Variants in MS4A4A observed in about 807,000 individuals in gnomAD.
MS4A4A encodes membrane-spanning 4-domains subfamily A member 4A.
In MS4A4A, 26 loss-of-function variants were observed where a neutral mutation model predicts 28.0. That is an observed-to-expected ratio of 0.93 (90% CI 0.68 to 1.29). The LOEUF is 1.29. Ranked by LOEUF, MS4A4A falls within the 50% of genes most tolerant of loss-of-function variation. The probability of loss-of-function intolerance (pLI) is 0.00; values close to 1 mark genes in which losing one functional copy is unlikely to be tolerated. For synonymous variants in MS4A4A, 86 were observed against 100.8 expected (o/e 0.85, Z 0.88); for missense variants, 290 against 293.1 (o/e 0.99, Z 0.08).
At chr11:60,285,545 C>T (rs1431554776) in intron 1 of MS4A4A, among the ~76,000 whole-genome samples, 2 of 152,096 alleles carry the variant, frequency 1.3e-5, no homozygotes, top group Non-Finnish European at 2.9e-5. Context: ...TTTCTATTTT[C>T]CCTAAGTGTC....
At chr11:60,291,123 T>C (rs1309993308) in intron 1 of MS4A4A, among the ~76,000 whole-genome samples, 1 of 152,210 alleles carries the variant, frequency 6.6e-6, no homozygotes, top group African/African-American at 2.4e-5. Flanking sequence ...CTTTAGCCTA[T>C]CTCTACATGA....
intron 1 of MS4A4A, among the ~76,000 whole-genome samples, chr11:60,286,545 CG>C (rs759420749): frequency 7.2e-5 from 11 of 152,194 alleles, no homozygotes; most frequent in Admixed American, 2.6e-4. Flanking sequence ...CCGGTCCCTC[CG>C]TTCGGGGTCC....
intron 4 of MS4A4A, 99 bp from the exon 5 acceptor site, chr11:60,302,460 T>C (rs191102970): frequency 1.7e-6 from 2 of 1,159,404 alleles, no homozygotes; most frequent in East Asian, 4.9e-5. Flanking sequence ...AAGATAATGA[T>C]AGATGGCAGT....
chr11:60,297,134 G>C lies in MS4A4A; in HGVS notation c.202-63G>C, dbSNP rs558126381. 572 of 1,593,182 alleles carry C rather than the reference G, an allele frequency of 3.6e-4. 7 individuals carry two copies. The South Asian group carries it at 5.8e-3, about 16-fold the overall frequency. ...TAAGGATAGCTTAGTGATTGGAAAG[G>C]GGGTGGCGGAAGCACCATTTTTGTG... is the stretch of plus-strand genomic sequence containing the variant. On this transcript the variant is annotated intron_variant, in intron 2 of 6. Coordinates refer to ENST00000337908, the MANE Select transcript of MS4A4A (RefSeq NM_148975.3).
chr11:60,297,158 T>C (rs2084912177), intron 2 of MS4A4A, 39 bp from the exon 3 acceptor site: 1 of 1,609,710 alleles, frequency 6.2e-7, no homozygotes, highest in Non-Finnish European at 8.5e-7. Context: ...ACCATTTTTG[T>C]GGTGGACAAT....
intron 6 of MS4A4A, 62 bp downstream of exon 6, chr11:60,306,263 A>G: frequency 7.8e-7 from 1 of 1,281,694 alleles, no homozygotes. Flanking sequence ...GTAATCGATT[A>G]CACACACTTA....
chr11:60,305,901 C>A (rs1258049535), intron 5 of MS4A4A, 199 bp from the exon 6 acceptor site: 3 of 569,930 alleles, frequency 5.3e-6, no homozygotes, highest in Non-Finnish European at 9.3e-6. Flanking sequence ...GAATAAATGT[C>A]TGTGATTATT....
At chr11:60,305,854 C>G in intron 5 of MS4A4A, 1 of 463,744 alleles carries the variant, frequency 2.2e-6, no homozygotes, top group Non-Finnish European at 3.8e-6. Context: ...CTTTCATCTT[C>G]CATGCCCACA....
chr11:60,287,997 C>T (rs1395204157), intron 1 of MS4A4A, among the ~76,000 whole-genome samples: 2 of 152,234 alleles, frequency 1.3e-5, no homozygotes, highest in African/African-American at 4.8e-5. Flanking sequence ...TTGCTGGGCT[C>T]AGTCCATGCT....
At chr11:60,301,125 G>T (rs556084438) in intron 4 of MS4A4A, 68 bp downstream of exon 4, 93 of 1,220,286 alleles carry the variant, frequency 7.6e-5, no homozygotes, top group Middle Eastern at 2.4e-4. Flanking sequence ...TTCTGCCAGG[G>T]TGTAAAACAG....
chr11:60,297,808 C>T (rs1302829908), intron 3 of MS4A4A, among the ~76,000 whole-genome samples: 1 of 152,112 alleles, frequency 6.6e-6, no homozygotes, highest in African/African-American at 2.4e-5. Context: ...TTGGACTAAT[C>T]AAGATTTACC....
intron 3 of MS4A4A, among the ~76,000 whole-genome samples, chr11:60,298,378 A>T (rs1333208061): frequency 6.6e-6 from 1 of 152,168 alleles, no homozygotes; most frequent in African/African-American, 2.4e-5. Context: ...AGAACAGTAA[A>T]GCTGTGTTTT....
rs1377410743 is a variant in MS4A4A, at chr11:60,282,651, C to T, written c.41+1935C>T. ...ATGGTTTCAATATATGCAGATGTCT[C>T]AATATAGGAATGAAATTACGTCTTT... On this transcript the variant is annotated intron_variant, in intron 1 of 6. Coordinates refer to ENST00000337908, the MANE Select transcript of MS4A4A (RefSeq NM_148975.3). 43 of 1,285,622 alleles carry T rather than the reference C, an allele frequency of 3.3e-5. 1 individual carries two copies. In the South Asian group the frequency reaches 5.0e-4, roughly 15 times the overall value. 79.6% of individuals were successfully genotyped at this position (1,285,622 alleles called of 1,614,324 possible).
At chr11:60,298,131 C>G (rs1047914109) in intron 3 of MS4A4A, among the ~76,000 whole-genome samples, 2 of 151,614 alleles carry the variant, frequency 1.3e-5, no homozygotes, top group African/African-American at 4.8e-5. Flanking sequence ...AGAGAAAACA[C>G]AAGATAGTTT....
chr11:60,285,140 G>T (rs1204983812), intron 1 of MS4A4A, among the ~76,000 whole-genome samples: 1 of 152,050 alleles, frequency 6.6e-6, no homozygotes, highest in Non-Finnish European at 1.5e-5. Context: ...CCCTAAGAGG[G>T]CTATGGGACT....
chr11:60,292,504 T>C, intron 2 of MS4A4A, 120 bp downstream of exon 2: 1 of 1,023,050 alleles, frequency 9.8e-7, no homozygotes, highest in South Asian at 2.2e-5. Context: ...ACGACGTCAG[T>C]AATTACTTTT....
intron 1 of MS4A4A, among the ~76,000 whole-genome samples, chr11:60,280,996 C>T (rs1056578443): frequency 2.6e-5 from 4 of 152,178 alleles, no homozygotes; most frequent in African/African-American, 9.7e-5. Flanking sequence ...TCCCCTGAGT[C>T]TTCAGGATAT....
rs115867187 is a variant in MS4A4A, at chr11:60,280,887, G to T, written c.41+171G>T. On this transcript the variant is annotated intron_variant, in intron 1 of 6. Transcript: ENST00000337908. ...GTGCACCTTTAAATGTGCATTCGGT[G>T]GGGGGATGAGGAACAGTTTTTGCTA... Among the ~76,000 whole-genome samples, 1,274 of 152,190 alleles carry T rather than the reference G, an allele frequency of 8.4e-3. 24 individuals are homozygous for T. Among genetic ancestry groups the T allele is most frequent in the African/African-American group, 0.029 (1,204 of 41,508 alleles).
chr11:60,297,496 A>C (rs2084916625), intron 3 of MS4A4A, among the ~76,000 whole-genome samples, 171 bp downstream of exon 3: 1 of 152,176 alleles, frequency 6.6e-6, no homozygotes, highest in Non-Finnish European at 1.5e-5. Context: ...ATAATATAGT[A>C]TTATATTAAA....
Sources: allele counts gnomAD v4.1 joint callset (sites outside exome capture counted in the v4.1 genomes callset), GRCh38; gene constraint gnomAD v4.1.1; transcripts MANE v1.5; gene names NCBI Gene and HGNC (gene_info 2026-07-23, HGNC 2026-07-21).